The following TCEA1 variants were observed in gnomAD, a reference collection of about 807,000 sequenced individuals.
TCEA1 encodes transcription elongation factor A1.
A neutral mutation model predicts 43.8 loss-of-function variants in TCEA1; 21 were observed. The observed-to-expected ratio is 0.48, with a 90% CI of 0.34 to 0.69. The LOEUF (loss-of-function observed/expected upper bound fraction) is 0.69. Among genes scored for constraint, TCEA1 ranks in the 30% least tolerant of loss-of-function variants. The pLI, the probability that TCEA1 is intolerant of heterozygous loss-of-function variation, is 0.01. For missense variants in TCEA1, 250 were observed against 365.1 expected, an observed-to-expected ratio of 0.68 and a Z score of 2.57; for synonymous variants, 104 against 117.5, an observed-to-expected ratio of 0.88 and a Z score of 0.75.
chr8:54,005,462 T>A (rs941673597), intron 2 of TCEA1, among the ~76,000 whole-genome samples: 1 of 152,146 alleles, frequency 6.6e-6, no homozygotes, highest in Non-Finnish European at 1.5e-5. Context: ...CATCTCAAAA[T>A]CCAGTGTATC....
intron 8 of TCEA1, among the ~76,000 whole-genome samples, chr8:53,976,907 A>G (rs576175956): frequency 6.6e-6 from 1 of 152,362 alleles, no homozygotes; most frequent in South Asian, 2.1e-4. Flanking sequence ...TGAGGCTTCA[A>G]ACAGGTAAAG....
At chr8:54,013,057 C>A (rs1804705877) in intron 1 of TCEA1, among the ~76,000 whole-genome samples, 1 of 151,190 alleles carries the variant, frequency 6.6e-6, no homozygotes, top group Middle Eastern at 3.5e-3. Flanking sequence ...TTCTGATCCA[C>A]TTCTGACCAA....
At chr8:54,015,423 C>T (rs1804791292) in intron 1 of TCEA1, among the ~76,000 whole-genome samples, 1 of 152,142 alleles carries the variant, frequency 6.6e-6, no homozygotes, top group Non-Finnish European at 1.5e-5. Flanking sequence ...CCACCTCAGC[C>T]TCCCAAAGTG....
intron 1 of TCEA1, among the ~76,000 whole-genome samples, chr8:54,020,170 C>A (rs1397054076): frequency 6.6e-6 from 1 of 152,152 alleles, no homozygotes; most frequent in Non-Finnish European, 1.5e-5. Flanking sequence ...ATATTACAGC[C>A]TAAGTTGGAG....
chr8:53,981,099 A>G (rs1469473580), intron 7 of TCEA1, among the ~76,000 whole-genome samples: 1 of 152,238 alleles, frequency 6.6e-6, no homozygotes, highest in Non-Finnish European at 1.5e-5. Flanking sequence ...GCTGCCGAAG[A>G]AAAGTCAAGA....
intron 8 of TCEA1, among the ~76,000 whole-genome samples, chr8:53,978,371 T>A (rs943917359): frequency 1.3e-5 from 2 of 152,230 alleles, no homozygotes; most frequent in African/African-American, 4.8e-5. Context: ...TCTGAAAATA[T>A]TAAATGAAAA....
chr8:53,972,232 A>G, intron 8 of TCEA1: 1 of 352,202 alleles, frequency 2.8e-6, no homozygotes. Context: ...GGAAGTGATG[A>G]GGAATCTAAA....
intron 4 of TCEA1, among the ~76,000 whole-genome samples, chr8:53,991,217 A>T (rs1314854733): frequency 6.6e-6 from 1 of 151,504 alleles, no homozygotes; most frequent in Non-Finnish European, 1.5e-5. Context: ...ACATGATGAA[A>T]CCCCATCTTT....
intron 8 of TCEA1, chr8:53,972,982 G>T: frequency 1.5e-6 from 1 of 666,076 alleles, no homozygotes; most frequent in Non-Finnish European, 2.8e-6. Flanking sequence ...ATCAATGGTG[G>T]AAATCACTTG....
chr8:54,016,344 G>A (rs1804825970), intron 1 of TCEA1, among the ~76,000 whole-genome samples: 1 of 152,168 alleles, frequency 6.6e-6, no homozygotes, highest in South Asian at 2.1e-4. Flanking sequence ...GGTGCTGGGT[G>A]CCTGTAGCCC....
At chr8:53,978,306 G>T (rs779668730) in intron 8 of TCEA1, among the ~76,000 whole-genome samples, 1 of 152,040 alleles carries the variant, frequency 6.6e-6, no homozygotes, top group Non-Finnish European at 1.5e-5. Context: ...ATCTCCTCTT[G>T]AACTAGTCCC....
Position 53,998,200 on chromosome 8 carries a change from C to T in TCEA1, c.232+1745G>A, listed in dbSNP as rs375480351. On this transcript the variant is annotated intron_variant, in intron 3 of 9. Coordinates refer to ENST00000521604, the MANE Select transcript of TCEA1 (RefSeq NM_006756.4). Reference sequence around the variant, plus strand: ...ATACATGCCCCCACACATACACTAGCGCCAGTAAAAACTGATGAAATCTGA... The same window carrying T: ...ATACATGCCCCCACACATACACTAGTGCCAGTAAAAACTGATGAAATCTGA... Among the ~76,000 whole-genome samples, 55 of 152,228 alleles carry T rather than the reference C, an allele frequency of 3.6e-4. 1 individual carries two copies. In the South Asian group the frequency reaches 0.01, roughly 29 times the overall value.
At chr8:53,968,263 T>C (rs1343504645) in intron 9 of TCEA1, among the ~76,000 whole-genome samples, 151 bp from the exon 10 acceptor site, 1 of 152,166 alleles carries the variant, frequency 6.6e-6, no homozygotes, top group Non-Finnish European at 1.5e-5. Flanking sequence ...TCACCTATCT[T>C]AAGTGCCTGA....
At chr8:53,994,640 G>A (rs775758203) in intron 3 of TCEA1, among the ~76,000 whole-genome samples, 24 of 151,958 alleles carry the variant, frequency 1.6e-4, no homozygotes, top group Non-Finnish European at 2.9e-4. Context: ...AGGCCACGGC[G>A]GGCAGATCAC....
At chr8:53,968,474 G>A (rs1025868895) in intron 9 of TCEA1, among the ~76,000 whole-genome samples, 150 of 152,046 alleles carry the variant, frequency 9.9e-4, no homozygotes, top group Non-Finnish European at 2.9e-4. Context: ...ATTCAATTAA[G>A]TACTATGTCA....
chr8:53,970,025 T>A (rs954231604), intron 9 of TCEA1, among the ~76,000 whole-genome samples: 4 of 151,996 alleles, frequency 2.6e-5, no homozygotes, highest in Non-Finnish European at 5.9e-5. Flanking sequence ...GGAAAAAAAA[T>A]TTTCCAAAAT....
chr8:53,978,816 CTT>C (rs1803419331), intron 8 of TCEA1: 7 of 438,670 alleles, frequency 1.6e-5, no homozygotes, highest in Non-Finnish European at 2.8e-5. Context: ...ATAAATAAAA[CTT>C]ATCAGTACAT....
rs1281557495 is a variant in TCEA1 at position 53,981,301 on chromosome 8, T to C, written c.679-2130A>G. On this transcript the variant is annotated intron_variant, in intron 7 of 9. Transcript: ENST00000521604. ...AATGTTGATGAATATTGGAAGAGGG[T>C]GACATCTAGGACTTTCACAGCTAAA... Among the ~76,000 whole-genome samples, 6 of 152,174 alleles carry C rather than the reference T, an allele frequency of 3.9e-5. No individual in the cohort carries two copies. In the South Asian group the frequency reaches 1.2e-3, roughly 31 times the overall value.
intron 2 of TCEA1, among the ~76,000 whole-genome samples, chr8:54,002,118 A>G (rs972250628): frequency 1.3e-5 from 2 of 151,612 alleles, no homozygotes; most frequent in Non-Finnish European, 2.9e-5. Context: ...GCAGCGAGCC[A>G]CGATCACACC....
Sources: gnomAD v4.1 joint callset for allele counts (sites outside exome capture counted in the v4.1 genomes callset) on GRCh38, gnomAD v4.1.1 for gene constraint, MANE v1.5 for transcripts, NCBI Gene and HGNC (gene_info 2026-07-23, HGNC 2026-07-21) for gene names.